Variants in THADA observed in about 807,000 individuals in gnomAD.
THADA encodes the protein tRNA (32-2'-O)-methyltransferase regulator THADA.
THADA carries 213 observed loss-of-function variants against 219.8 expected under a neutral mutation model. The ratio of observed to expected loss-of-function variants is 0.97; its 90% CI spans 0.87 to 1.09. The LOEUF is 1.09. Among genes scored for constraint, THADA ranks in the 50% least tolerant of loss-of-function variants. The pLI, the probability that THADA is intolerant of heterozygous loss-of-function variation, is 0.00. For missense variants in THADA, 2,956 were observed against 2,311.3 expected, an observed-to-expected ratio of 1.28 and a Z score of -5.72; for synonymous variants, 1,018 against 828.9, an observed-to-expected ratio of 1.23 and a Z score of -3.92.
chr2:43,578,739 C>G, intron 8 of THADA, 132 bp from the exon 9 acceptor site: 1 of 481,902 alleles, frequency 2.1e-6, no homozygotes, highest in Non-Finnish European at 3.7e-6. Flanking sequence ...GTGAATAGGT[C>G]TTACCTAAGT....
chr2:43,231,193 T>C lies in THADA; in HGVS notation c.5617A>G (p.Arg1873Gly), dbSNP rs772779173. The C allele has an allele frequency of 1.9e-6, 3 of 1,613,858 alleles. No homozygotes were observed. In the South Asian group the frequency reaches 3.3e-5, roughly 18 times the overall value. ...AGGTGGCACTGCTCTGACACCATCC[T>C]TTGAAGGTGACAGAGCATCTCAGGG... ...PSPEMLCHLQ[R>G]MVSEQCHLLS... Residue 1873 changes from arginine (R) to glycine (G), a missense_variant, in exon 38 of 38, where the codon AGG (arginine) becomes GGG (glycine). Coordinates refer to ENST00000405975, the MANE Select transcript of THADA (RefSeq NM_022065.5).
intron 36 of THADA, among the ~76,000 whole-genome samples, chr2:43,241,485 T>A (rs1015574784): frequency 2.0e-5 from 3 of 149,966 alleles, no homozygotes; most frequent in African/African-American, 7.3e-5. Flanking sequence ...AGCTGAGTTG[T>A]GTCAGCTAAA....
chr2:43,365,071 A>G (rs914730138), intron 29 of THADA, among the ~76,000 whole-genome samples: 3 of 150,966 alleles, frequency 2.0e-5, no homozygotes, highest in Non-Finnish European at 4.4e-5. Flanking sequence ...GATTACAGGC[A>G]TGCACCACTA....
intron 26 of THADA, among the ~76,000 whole-genome samples, chr2:43,451,975 C>A (rs1233724703): frequency 6.6e-6 from 1 of 152,090 alleles, no homozygotes; most frequent in African/African-American, 2.4e-5. Context: ...GGCGTGATGG[C>A]GCATACCTGT....
intron 26 of THADA, among the ~76,000 whole-genome samples, chr2:43,462,398 A>C (rs752101756): frequency 2.6e-5 from 4 of 152,174 alleles, no homozygotes; most frequent in Admixed American, 6.5e-5. Context: ...AAAATCTCTA[A>C]ATCAGGCTCT....
At chr2:43,572,738 T>G in intron 12 of THADA, 76 bp downstream of exon 12, 1 of 1,335,468 alleles carries the variant, frequency 7.5e-7, no homozygotes, top group Non-Finnish European at 1.0e-6. Context: ...GGATACAATG[T>G]AGGGGCCTCT....
Position 43,530,605 on chromosome 2 carries a change from A to T in THADA, c.3265-2617T>A, listed in dbSNP as rs577323225. On this transcript the variant is annotated intron_variant, in intron 21 of 37. Transcript: ENST00000405975. Reference sequence around the variant, plus strand: ...AGATGAGGTTTCTCTAACTTCCTTAATTTTTTTCCCAAAATGTTGCAGATA... The same window carrying T: ...AGATGAGGTTTCTCTAACTTCCTTATTTTTTTTCCCAAAATGTTGCAGATA... Among the ~76,000 whole-genome samples the T allele has an allele frequency of 5.9e-5, 9 of 152,264 alleles. No individual in the cohort carries two copies. The East Asian group carries it at 1.2e-3, about 20-fold the overall frequency.
chr2:43,322,800 C>T (rs1678895249), intron 30 of THADA, among the ~76,000 whole-genome samples: 1 of 149,634 alleles, frequency 6.7e-6, no homozygotes, highest in Admixed American at 6.7e-5. Flanking sequence ...ATTCTCCTGC[C>T]TCAGCCTCCG....
At chr2:43,262,733 T>A (rs1041420819) in intron 36 of THADA, among the ~76,000 whole-genome samples, 1 of 152,262 alleles carries the variant, frequency 6.6e-6, no homozygotes, top group African/African-American at 2.4e-5. Context: ...TACATTTATT[T>A]TTGAAGAACA....
chr2:43,515,736 G>A lies in THADA; in HGVS notation c.3375-6956C>T, dbSNP rs559935844. 6.2e-4 allele frequency among the ~76,000 whole-genome samples: 94 copies of A among 152,026 alleles called. No homozygotes were observed. In the South Asian group the frequency reaches 0.013, roughly 20 times the overall value. ...ACTGTCCACCAGAATTGTATACCCC[G>A]TTAAAGTACATTCAAAAGCATAGGT... On this transcript the variant is annotated intron_variant, in intron 22 of 37. Transcript: ENST00000405975.
chr2:43,573,555 T>A (rs1468913572), intron 11 of THADA, among the ~76,000 whole-genome samples: 1 of 152,194 alleles, frequency 6.6e-6, no homozygotes, highest in Admixed American at 6.5e-5. Flanking sequence ...AGATGGCTTT[T>A]CAAAAACTCA....
In THADA at chr2:43,394,787, A is replaced by G. The variant is rs528544124; in HGVS notation, c.4227+3184T>C. 7.2e-5 allele frequency among the ~76,000 whole-genome samples: 11 copies of G among 152,344 alleles called. No homozygotes were observed. The South Asian group carries it at 2.1e-3, about 29-fold the overall frequency. On this transcript the variant is annotated intron_variant, in intron 29 of 37. Coordinates refer to ENST00000405975, the MANE Select transcript of THADA (RefSeq NM_022065.5). The stretch of plus-strand genomic sequence containing the variant: ...TCCCTTTGACTTCTTTTTCTCAACC[A>G]GGGTAAACCAACCTTGATAAAGGTA...
At chr2:43,539,388 T>C (rs1483020961) in intron 21 of THADA, among the ~76,000 whole-genome samples, 1 of 152,246 alleles carries the variant, frequency 6.6e-6, no homozygotes, top group East Asian at 1.9e-4. Context: ...TATTTAATTA[T>C]TATTAATTTA....
At chr2:43,269,384 G>T (rs1671880142) in intron 36 of THADA, among the ~76,000 whole-genome samples, 1 of 152,190 alleles carries the variant, frequency 6.6e-6, no homozygotes, top group African/African-American at 2.4e-5. Flanking sequence ...GGAGGCCATG[G>T]TAACAATCCC....
chr2:43,428,540 G>A (rs1400063340), intron 27 of THADA, among the ~76,000 whole-genome samples: 1 of 152,192 alleles, frequency 6.6e-6, no homozygotes, highest in African/African-American at 2.4e-5. Flanking sequence ...AGGAGGCGGA[G>A]GTTGCAGTGA....
intron 8 of THADA, among the ~76,000 whole-genome samples, chr2:43,580,815 G>A (rs1264551064): frequency 6.6e-6 from 1 of 152,024 alleles, no homozygotes. Context: ...GGGAGGCAGA[G>A]GTTGCAGTGA....
In THADA at chr2:43,574,557, C is replaced by T; in HGVS notation, c.1508G>A (p.Arg503Lys). 6.2e-7 allele frequency: 1 copy of T among 1,613,996 alleles called. No individual in the cohort carries two copies. The highest frequency in any genetic ancestry group is 8.5e-7 in the Non-Finnish European group (1 of 1,179,890). Residue 503 changes from arginine to lysine, a missense_variant, in exon 11 of 38, where the codon AGA (arginine) becomes AAA (lysine). Coordinates refer to ENST00000405975, the MANE Select transcript of THADA (RefSeq NM_022065.5). ...GGATTTCAAATGACTCTTATGATTT[C>T]TAAACATGGTTTCCAAGAGGTCACT... The part of the protein sequence containing the change: ...YASDLLETMF[R>K]NHKSHLKSQT...
intron 18 of THADA, 97 bp downstream of exon 18, chr2:43,552,107 T>TTG: frequency 6.5e-7 from 1 of 1,530,296 alleles, no homozygotes; most frequent in Non-Finnish European, 8.7e-7. Flanking sequence ...TTCAAAGCAA[T>TTG]AGACTGCATT....
intron 29 of THADA, among the ~76,000 whole-genome samples, chr2:43,372,676 G>C (rs1188449654): frequency 6.6e-6 from 1 of 152,146 alleles, no homozygotes; most frequent in Admixed American, 6.5e-5. Context: ...CACCAAAAAG[G>C]AAACAGGCCA....
Sources: gnomAD v4.1 joint callset for allele counts (sites outside exome capture counted in the v4.1 genomes callset) on GRCh38, gnomAD v4.1.1 for gene constraint, MANE v1.5 for transcripts, NCBI Gene and HGNC (gene_info 2026-07-23, HGNC 2026-07-21) for gene names.